The following PTAR1 variants were observed in gnomAD, a reference collection of about 807,000 sequenced individuals.
PTAR1 encodes protein prenyltransferase alpha subunit repeat containing 1.
In PTAR1, 17 loss-of-function variants were observed where a neutral mutation model predicts 45.5. The ratio of observed to expected loss-of-function variants is 0.37; its 90% CI spans 0.26 to 0.56. The LOEUF (loss-of-function observed/expected upper bound fraction) is 0.56. Among genes scored for constraint, PTAR1 ranks in the 20% least tolerant of loss-of-function variants. PTAR1 has a pLI of 0.77. For synonymous variants in PTAR1, 169 were observed against 171.3 expected (o/e 0.99, Z 0.11); for missense variants, 391 against 476.3 (o/e 0.82, Z 1.67).
chr9:69,709,990 C>A lies in PTAR1; in HGVS notation c.*8352G>T, dbSNP rs1356704360. On this transcript the variant is annotated 3_prime_UTR_variant, in exon 8 of 8. Coordinates refer to ENST00000340434, the MANE Select transcript of PTAR1 (RefSeq NM_001099666.2). The stretch of plus-strand genomic sequence containing the variant: ...GCTTGGCAAATTGGAACAGGCTGAT[C>A]CTACTTCTAGAACATATTAAAATGA... 6.6e-6 allele frequency: 1 copy of A among 152,076 alleles called. No individual in the cohort carries two copies. Among genetic ancestry groups the A allele is most frequent in the Non-Finnish European group, 1.5e-5 (1 of 67,990 alleles). 9.4% of individuals were successfully genotyped at this position (152,076 alleles called of 1,614,324 possible). A position where few individuals can be genotyped will look rare whatever the true frequency, so the allele number is the denominator to read the frequency against.
intron 2 of PTAR1, among the ~76,000 whole-genome samples, chr9:69,746,862 T>C (rs946712523): frequency 2.6e-5 from 4 of 152,248 alleles, no homozygotes; most frequent in Non-Finnish European, 5.9e-5. Flanking sequence ...CACCTGGTAA[T>C]GGTCACTGGA....
chr9:69,727,053 G>A (rs1049655323), intron 5 of PTAR1, among the ~76,000 whole-genome samples: 16 of 112,370 alleles, frequency 1.4e-4, no homozygotes, highest in African/African-American at 1.9e-4. Context: ...ACACACACAC[G>A]TATACACACA....
chr9:69,758,558 G>A (rs923241810), intron 1 of PTAR1: 10 of 213,082 alleles, frequency 4.7e-5, no homozygotes, highest in Non-Finnish European at 9.3e-5. Context: ...TCATAAGGGG[G>A]AGGGAAGTGG....
intron 3 of PTAR1, among the ~76,000 whole-genome samples, chr9:69,741,285 T>C (rs944601309): frequency 1.1e-4 from 16 of 152,168 alleles, no homozygotes; most frequent in African/African-American, 3.9e-4. Context: ...ATCTGAACTC[T>C]TGGCCTATAA....
chr9:69,711,378 C>A lies in PTAR1; in HGVS notation c.*6964G>T, dbSNP rs550143859. The stretch of plus-strand genomic sequence containing the variant: ...TTTGTGTTTTATAAAACTGTTTAAT[C>A]TTTTTACATTAGGTAAACTCTGTCA... On this transcript the variant is annotated 3_prime_UTR_variant, in exon 8 of 8. Coordinates refer to ENST00000340434, the MANE Select transcript of PTAR1 (RefSeq NM_001099666.2). 1 of 152,236 alleles carries A rather than the reference C, an allele frequency of 6.6e-6. No homozygotes were observed. The highest frequency in any genetic ancestry group is 2.1e-4 in the South Asian group (1 of 4,814). The allele number at this position is 152,236 out of a possible 1,614,324, so 9.4% of individuals were successfully genotyped here.
At chr9:69,732,984 C>T (rs1230567937) in intron 4 of PTAR1, among the ~76,000 whole-genome samples, 1 of 152,078 alleles carries the variant, frequency 6.6e-6, no homozygotes, top group African/African-American at 2.4e-5. Context: ...AATAGTGTTT[C>T]GAGCTACTTA....
At chr9:69,746,593 T>C (rs1826286185) in intron 2 of PTAR1, among the ~76,000 whole-genome samples, 1 of 152,198 alleles carries the variant, frequency 6.6e-6, no homozygotes, top group African/African-American at 2.4e-5. Flanking sequence ...CACAGTCTCT[T>C]GAAATTAAAC....
intron 1 of PTAR1, among the ~76,000 whole-genome samples, chr9:69,751,911 G>A (rs1050944035): frequency 4.0e-5 from 6 of 151,876 alleles, no homozygotes; most frequent in African/African-American, 1.5e-4. Context: ...CAATATGTAG[G>A]GCATTTGACT....
chr9:69,736,341 G>A (rs552853493), intron 3 of PTAR1, among the ~76,000 whole-genome samples: 1 of 152,204 alleles, frequency 6.6e-6, no homozygotes, highest in South Asian at 2.1e-4. Flanking sequence ...GGTGGATCAC[G>A]AGGTCAAGAG....
intron 2 of PTAR1, among the ~76,000 whole-genome samples, chr9:69,744,348 C>T (rs1400990390): frequency 1.3e-5 from 2 of 151,766 alleles, no homozygotes; most frequent in African/African-American, 4.8e-5. Flanking sequence ...AAAGGCTTTC[C>T]TAACCTACCT....
chr9:69,744,440 C>T (rs558674987), intron 2 of PTAR1, among the ~76,000 whole-genome samples: 8 of 150,416 alleles, frequency 5.3e-5, no homozygotes, highest in Non-Finnish European at 1.2e-4. Context: ...AGTTGGAGTG[C>T]AGTGGTACAA....
rs902197267 is a variant in PTAR1, at chr9:69,717,385, A to C, written c.*957T>G. On this transcript the variant is annotated 3_prime_UTR_variant, in exon 8 of 8. Transcript: ENST00000340434. ...AAAAAAATCAATTTTATAAGGACTG[A>C]TGTGTTTTGGCATATACCAAATTTG... 6.6e-6 allele frequency: 1 copy of C among 152,204 alleles called. No homozygotes were observed. The highest frequency in any genetic ancestry group is 1.5e-5 in the Non-Finnish European group (1 of 68,026). 9.4% of individuals were successfully genotyped at this position (152,204 alleles called of 1,614,324 possible). A position where few individuals can be genotyped will look rare whatever the true frequency, so the allele number is the denominator to read the frequency against.
chr9:69,734,553 TA>T (rs1379015558), intron 3 of PTAR1, among the ~76,000 whole-genome samples: 3 of 152,096 alleles, frequency 2.0e-5, no homozygotes, highest in Non-Finnish European at 4.4e-5. Flanking sequence ...TGCGTGAGGG[TA>T]AATGGGGTTT....
At position 69,712,972 on chromosome 9, in the gene PTAR1, A is replaced by T. The variant is rs1824583482; in HGVS notation, c.*5370T>A. 1 of 152,138 alleles carries T rather than the reference A, an allele frequency of 6.6e-6. No individual in the cohort carries two copies. Among genetic ancestry groups the T allele is most frequent in the Admixed American group, 6.6e-5 (1 of 15,252 alleles). The allele number at this position is 152,138 out of a possible 1,614,324, so 9.4% of individuals were successfully genotyped here. A position where few individuals can be genotyped will look rare whatever the true frequency, so the allele number is the denominator to read the frequency against. The stretch of plus-strand genomic sequence containing the variant: ...CGATCTATACTAAAATTTAAGAGCT[A>T]ATAATATATTTAGCATATTTTTGCC... On this transcript the variant is annotated 3_prime_UTR_variant, in exon 8 of 8. Transcript: ENST00000340434.
chr9:69,718,437 T>C lies in PTAR1; in HGVS notation c.1114A>G (p.Arg372Gly). 6.2e-6 allele frequency: 10 copies of C among 1,613,726 alleles called. No individual in the cohort carries two copies. Among genetic ancestry groups the C allele is most frequent in the Non-Finnish European group, 8.5e-6 (10 of 1,179,716 alleles). The change falls in exon 8 of 8, where the codon AGG (arginine) becomes GGG (glycine). Residue 372 changes from arginine to glycine, a missense_variant. Arg to Gly is a moderately radical substitution (Grantham distance 125). Coordinates refer to ENST00000340434, the MANE Select transcript of PTAR1 (RefSeq NM_001099666.2). ...PDSLGLEMEH[R>G]FIDQVLSTCR... ...GTGGACAATACTTGATCAATGAACC[T>C]GTGCTCCATTTCTAGGCCTAGGGAG...
At position 69,718,208 on chromosome 9, in the gene PTAR1, C is replaced by G. The variant is rs943603721; in HGVS notation, c.*134G>C. On this transcript the variant is annotated 3_prime_UTR_variant, in exon 8 of 8. Transcript: ENST00000340434. Reference sequence around the variant, plus strand: ...CAAAATAAATAAAATGAAAGATTTACTATGGACTTTCAACCTAAAGACGAA... The same window carrying G: ...CAAAATAAATAAAATGAAAGATTTAGTATGGACTTTCAACCTAAAGACGAA... 1 of 572,226 alleles carries G rather than the reference C, an allele frequency of 1.7e-6. No individual in the cohort carries two copies. The highest frequency in any genetic ancestry group is 3.2e-5 in the Admixed American group (1 of 31,446). The allele number at this position is 572,226 out of a possible 1,614,324, so 35.4% of individuals were successfully genotyped here.
At position 69,716,983 on chromosome 9, in the gene PTAR1, G is replaced by A. The variant is rs927186274; in HGVS notation, c.*1359C>T. ...AGAAGAAACAGACCACTTACAAAAGGGCAAATATAAGAAAGCAGACATTAC... is the reference window on the plus strand; with the variant it reads ...AGAAGAAACAGACCACTTACAAAAGAGCAAATATAAGAAAGCAGACATTAC... On this transcript the variant is annotated 3_prime_UTR_variant, in exon 8 of 8. Coordinates refer to ENST00000340434, the MANE Select transcript of PTAR1 (RefSeq NM_001099666.2). 6.6e-6 allele frequency: 1 copy of A among 152,026 alleles called. No homozygotes were observed. Among genetic ancestry groups the A allele is most frequent in the African/African-American group, 2.4e-5 (1 of 41,400 alleles). 9.4% of individuals were successfully genotyped at this position (152,026 alleles called of 1,614,324 possible).
chr9:69,742,954 T>C (rs983097241), intron 2 of PTAR1, among the ~76,000 whole-genome samples: 1 of 152,082 alleles, frequency 6.6e-6, no homozygotes, highest in Non-Finnish European at 1.5e-5. Context: ...AGTTTAGACA[T>C]ATTGTCTTTG....
chr9:69,718,813 TAC>T, intron 6 of PTAR1, 129 bp from the exon 7 acceptor site: 1 of 627,104 alleles, frequency 1.6e-6, no homozygotes. Context: ...AACCAAGTTA[TAC>T]AGAGGAAGGA....
Sources: gnomAD v4.1 joint callset for allele counts (sites outside exome capture counted in the v4.1 genomes callset) on GRCh38, gnomAD v4.1.1 for gene constraint, MANE v1.5 for transcripts, NCBI Gene and HGNC (gene_info 2026-07-23, HGNC 2026-07-21) for gene names.